The following RNF216 variants were observed in gnomAD, a reference collection of about 807,000 sequenced individuals.
The protein encoded by RNF216 is ring finger protein 216.
Under a neutral mutation model 110.8 loss-of-function variants are expected in RNF216, and 72 were observed. That is an observed-to-expected ratio of 0.65 (90% CI 0.54 to 0.79). The LOEUF (loss-of-function observed/expected upper bound fraction) is 0.79, where lower values mean the gene tolerates loss of function less well. RNF216 is among the 30% of genes least tolerant of loss of function. The pLI is 0.00. For missense variants in RNF216, 1,342 were observed against 1,141.2 expected (o/e 1.18, Z -2.54); for synonymous variants, 495 against 407.5 (o/e 1.21, Z -2.59).
intron 13 of RNF216, among the ~76,000 whole-genome samples, chr7:5,686,511 T>C (rs145353709): frequency 0.02 from 2,971 of 152,282 alleles, 46 homozygotes; most frequent in Non-Finnish European, 0.031. Context: ...TGCTTAACCA[T>C]CAGTGCCTTT....
intron 3 of RNF216, among the ~76,000 whole-genome samples, chr7:5,749,433 G>A (rs1486008930): frequency 1.3e-5 from 2 of 152,176 alleles, no homozygotes; most frequent in African/African-American, 4.8e-5. Flanking sequence ...TTACAGGCGT[G>A]AGCCACCACG....
At chr7:5,647,581 G>A (rs1339071890) in intron 14 of RNF216, among the ~76,000 whole-genome samples, 2 of 151,934 alleles carry the variant, frequency 1.3e-5, no homozygotes, top group African/African-American at 4.8e-5. Context: ...CAATCCTTCC[G>A]CCTTGGCCTC....
chr7:5,680,969 G>C lies in RNF216; in HGVS notation c.2062-28459C>G, dbSNP rs1415801439. On this transcript the variant is annotated intron_variant, in intron 13 of 16. Transcript: ENST00000389902. The surrounding 1 kb of genome is among the most constrained non-coding windows in gnomAD (Gnocchi z 4.3). ...GATCCCCTCTGGCTGGGCCATGGCG[G>C]AGAGCCTGGACTTCAGGCCATCCCA... Among the ~76,000 whole-genome samples, 1 of 152,126 alleles carries C rather than the reference G, an allele frequency of 6.6e-6. No individual in the cohort carries two copies. Among genetic ancestry groups the C allele is most frequent in the Non-Finnish European group, 1.5e-5 (1 of 68,020 alleles).
chr7:5,707,762 C>A (rs1024503960), intron 13 of RNF216, among the ~76,000 whole-genome samples: 1 of 129,910 alleles, frequency 7.7e-6, no homozygotes, highest in African/African-American at 2.9e-5. Context: ...CTCACTCTGT[C>A]GCCCAGGCTG....
chr7:5,698,260 T>A (rs952025012), intron 13 of RNF216, among the ~76,000 whole-genome samples: 2 of 152,110 alleles, frequency 1.3e-5, no homozygotes, highest in Non-Finnish European at 2.9e-5. Context: ...ATGTAAGCAG[T>A]TGTACTGGAG....
intron 15 of RNF216, among the ~76,000 whole-genome samples, chr7:5,632,475 C>T (rs1787132275): frequency 1.3e-5 from 2 of 152,194 alleles, no homozygotes; most frequent in African/African-American, 4.8e-5. Context: ...GATCAGCGAC[C>T]AAGGTGTCCC....
intron 13 of RNF216, among the ~76,000 whole-genome samples, chr7:5,663,248 G>A (rs1442101113): frequency 6.6e-6 from 1 of 152,088 alleles, no homozygotes; most frequent in Non-Finnish European, 1.5e-5. Context: ...GGTCACTATG[G>A]ACAGGCTTGG....
At chr7:5,712,378 C>A (rs1792762586) in intron 12 of RNF216, among the ~76,000 whole-genome samples, 1 of 151,656 alleles carries the variant, frequency 6.6e-6, no homozygotes, top group Non-Finnish European at 1.5e-5. Context: ...GAGGCTGAGG[C>A]ATGAGAATTG....
intron 2 of RNF216, chr7:5,760,429 T>A (rs755180358): frequency 3.0e-5 from 11 of 372,766 alleles, no homozygotes; most frequent in Non-Finnish European, 6.0e-5. Flanking sequence ...GACCGGAGAA[T>A]CATTTGAACC....
At chr7:5,694,029 C>T (rs1344853465) in intron 13 of RNF216, among the ~76,000 whole-genome samples, 1 of 152,142 alleles carries the variant, frequency 6.6e-6, no homozygotes, top group Non-Finnish European at 1.5e-5. Flanking sequence ...GAGACGAATG[C>T]TCCCAGGCAT....
In RNF216 at chr7:5,755,032, T is replaced by TA. The variant is rs751586216; in HGVS notation, c.68-2054dup. 3.3e-3 allele frequency among the ~76,000 whole-genome samples: 202 copies of TA among 60,448 alleles called. 1 individual carries two copies. Among genetic ancestry groups the TA allele is most frequent in the South Asian group, 0.012 (24 of 1,976 alleles). 39.7% of individuals were successfully genotyped at this position (60,448 alleles called of 152,430 possible). ...GCTAGAGCAAGACCCTATCTCAGGC[T>TA]AAAAAAAAAAAAGGAAACAAGGGAG... On this transcript the variant is annotated intron_variant, in intron 2 of 16. Coordinates refer to ENST00000389902, the MANE Select transcript of RNF216 (RefSeq NM_207111.4).
chr7:5,727,419 C>A (rs1172821848), intron 7 of RNF216, among the ~76,000 whole-genome samples: 1 of 152,202 alleles, frequency 6.6e-6, no homozygotes, highest in Non-Finnish European at 1.5e-5. Flanking sequence ...TTTTAGTCCT[C>A]ATCTTGCACA....
chr7:5,685,825 T>C (rs1432181834), intron 13 of RNF216, among the ~76,000 whole-genome samples: 1 of 152,224 alleles, frequency 6.6e-6, no homozygotes, highest in African/African-American at 2.4e-5. Context: ...ATTAAATATG[T>C]ATGTTAAGAA....
intron 13 of RNF216, among the ~76,000 whole-genome samples, chr7:5,702,056 G>A (rs1197296603): frequency 6.6e-6 from 1 of 152,200 alleles, no homozygotes; most frequent in Non-Finnish European, 1.5e-5. Flanking sequence ...GGCGACATCT[G>A]AGGCCCCAGG....
At chr7:5,774,361 C>A (rs1186122518) in intron 1 of RNF216, among the ~76,000 whole-genome samples, 2 of 152,138 alleles carry the variant, frequency 1.3e-5, no homozygotes, top group Non-Finnish European at 2.9e-5. Flanking sequence ...TCCTTTGAGC[C>A]CAGGAGTTCA....
At chr7:5,681,687 G>A (rs1276147002) in intron 13 of RNF216, among the ~76,000 whole-genome samples, 1 of 152,104 alleles carries the variant, frequency 6.6e-6, no homozygotes, top group Non-Finnish European at 1.5e-5. Flanking sequence ...TGGTATGTTG[G>A]CCCAAGCCTC....
chr7:5,716,780 A>G lies in RNF216; in HGVS notation c.1645-14T>C, dbSNP rs761114493. ...AAAGTCTTCATGCTGAAGAACAAAA[A>G]AGGCACACATTCAGACACAAATTTA... On this transcript the variant is annotated splice_polypyrimidine_tract_variant and intron_variant, in intron 9 of 16. Transcript: ENST00000389902. The G allele has an allele frequency of 6.9e-6, 11 of 1,602,398 alleles. No homozygotes were observed. In the South Asian group the frequency reaches 1.2e-4, roughly 18 times the overall value.
intron 1 of RNF216, chr7:5,767,014 A>G (rs1796243233): frequency 6.6e-6 from 1 of 152,232 alleles, no homozygotes; most frequent in South Asian, 2.1e-4. Flanking sequence ...ATCACTTTAC[A>G]TGCATAACAC....
At chr7:5,653,525 C>T (rs745414361) in intron 13 of RNF216, among the ~76,000 whole-genome samples, 15 of 134,458 alleles carry the variant, frequency 1.1e-4, no homozygotes, top group Non-Finnish European at 1.7e-4. Context: ...GGCGTGAACC[C>T]GGGAGGCGGA....
Sources: allele counts gnomAD v4.1 joint callset (sites outside exome capture counted in the v4.1 genomes callset), GRCh38; gene constraint gnomAD v4.1.1; non-coding constraint Gnocchi (gnomAD v3.1); transcripts MANE v1.5; gene names NCBI Gene and HGNC (gene_info 2026-07-23, HGNC 2026-07-21).